The following DMD variants were observed in gnomAD, a reference collection of about 807,000 sequenced individuals.
The protein encoded by DMD is dystrophin, also known as mutant dystrophin.
DMD carries 63 observed loss-of-function variants against 330.1 expected under a neutral mutation model. The ratio of observed to expected loss-of-function variants is 0.19; its 90% CI spans 0.16 to 0.24. DMD has a LOEUF of 0.24. DMD is among the 10% of genes least tolerant of loss of function. The pLI, the probability that DMD is intolerant of heterozygous loss-of-function variation, is 1.00. For synonymous variants in DMD, 1,223 were observed against 959.8 expected, an observed-to-expected ratio of 1.27 and a Z score of -5.07; for missense variants, 3,344 against 2,684.1, an observed-to-expected ratio of 1.25 and a Z score of -5.43.
At chrX:32,217,151 T>C in intron 43 of DMD, 88 bp from the exon 44 acceptor site, 1 of 926,063 alleles carries the variant, frequency 1.1e-6, no homozygotes, top group Non-Finnish European at 1.5e-6. Flanking sequence ...TTGGTTATAC[T>C]GACAAAGATA....
intron 44 of DMD, among the ~76,000 whole-genome samples, chrX:32,164,160 G>A (rs977850752): frequency 3.6e-5 from 4 of 111,281 alleles, no homozygotes; most frequent in East Asian, 2.9e-4. Flanking sequence ...TCGCTTGAGC[G>A]CAGGAGTTAA....
intron 55 of DMD, among the ~76,000 whole-genome samples, chrX:31,626,607 T>C (rs1309615937): frequency 9.0e-6 from 1 of 111,054 alleles, no homozygotes; most frequent in Non-Finnish European, 1.9e-5. Context: ...TCAGGAGCCA[T>C]ACATTGCCAC....
intron 2 of DMD, among the ~76,000 whole-genome samples, chrX:32,859,459 TCTCACACACACACACA>T (rs2081889351): frequency 1.4e-5 from 1 of 69,581 alleles, no homozygotes; most frequent in Admixed American, 1.7e-4. Context: ...CGAAGCAAGA[TCTCACACACACACACA>T]CACACACACA....
At chrX:31,202,439 T>C (rs2043582617) in intron 67 of DMD, among the ~76,000 whole-genome samples, 1 of 112,126 alleles carries the variant, frequency 8.9e-6, no homozygotes, top group South Asian at 3.7e-4. Flanking sequence ...ATTTTACATT[T>C]ACAACTAATT....
intron 44 of DMD, among the ~76,000 whole-genome samples, chrX:32,084,338 A>G (rs1047416446): frequency 9.0e-6 from 1 of 111,018 alleles, no homozygotes; most frequent in Non-Finnish European, 1.9e-5. Context: ...TTCCTTCCTG[A>G]GGCCGTGTGA....
intron 45 of DMD, among the ~76,000 whole-genome samples, chrX:31,950,008 A>G (rs745813052): frequency 9.2e-6 from 1 of 108,544 alleles, no homozygotes; most frequent in African/African-American, 3.3e-5. Flanking sequence ...TTCTGCTCTA[A>G]CCCCCGTTAT....
chrX:33,002,838 TATTTTTTTCTCGA>T (rs2093311233), intron 2 of DMD, among the ~76,000 whole-genome samples: 1 of 73,700 alleles, frequency 1.4e-5, no homozygotes, highest in East Asian at 4.0e-4. Flanking sequence ...AAATGTGTGA[TATTTTTTTCTCGA>T]AAAAAAAAAA....
At chrX:31,198,971 T>C (rs749077491) in intron 67 of DMD, among the ~76,000 whole-genome samples, 1 of 112,170 alleles carries the variant, frequency 8.9e-6, no homozygotes, top group South Asian at 3.8e-4. Flanking sequence ...GGGGATCACA[T>C]TGACACATTA....
At chrX:32,469,555 G>C (rs2040403681) in intron 22 of DMD, among the ~76,000 whole-genome samples, 1 of 110,377 alleles carries the variant, frequency 9.1e-6, no homozygotes, top group Non-Finnish European at 1.9e-5. Context: ...AGTATCCTAT[G>C]CCTATTTGGT....
intron 4 of DMD, among the ~76,000 whole-genome samples, chrX:32,829,740 G>A (rs1482801628): frequency 1.8e-5 from 2 of 111,586 alleles, no homozygotes; most frequent in East Asian, 2.8e-4. Context: ...GTATGTATGA[G>A]CTATATAAAT....
chrX:32,339,378 G>C (rs1239647398), intron 41 of DMD, among the ~76,000 whole-genome samples: 2 of 112,163 alleles, frequency 1.8e-5, no homozygotes, highest in Non-Finnish European at 3.8e-5. Flanking sequence ...TATTAGAAAT[G>C]ATTGGAATTC....
intron 54 of DMD, among the ~76,000 whole-genome samples, chrX:31,645,650 A>G (rs1365352352): frequency 8.9e-6 from 1 of 112,312 alleles, no homozygotes; most frequent in Non-Finnish European, 1.9e-5. Context: ...CTATCTTACA[A>G]ACACTTACTG....
At chrX:31,780,536 C>T (rs745612075) in intron 50 of DMD, among the ~76,000 whole-genome samples, 24 of 111,974 alleles carry the variant, frequency 2.1e-4, no homozygotes, top group Non-Finnish European at 4.5e-4. Context: ...AATAACTCTC[C>T]TCCATGTAAG....
chrX:32,321,499 A>G (rs2097614673), intron 41 of DMD, among the ~76,000 whole-genome samples: 1 of 111,298 alleles, frequency 9.0e-6, no homozygotes, highest in Non-Finnish European at 1.9e-5. Flanking sequence ...GGGGGTCAGT[A>G]CCTGCTAGTT....
At chrX:31,951,161 A>G (rs776998146) in intron 45 of DMD, among the ~76,000 whole-genome samples, 911 of 86,697 alleles carry the variant, frequency 0.011, 24 homozygotes, top group African/African-American at 0.014. Context: ...ATATATATGT[A>G]TATATATATA....
intron 55 of DMD, among the ~76,000 whole-genome samples, chrX:31,570,505 A>G (rs747499353): frequency 8.1e-5 from 9 of 111,255 alleles, no homozygotes; most frequent in Non-Finnish European, 1.1e-4. Context: ...GTATCTATGT[A>G]TATTATTAAG....
intron 44 of DMD, among the ~76,000 whole-genome samples, chrX:32,036,813 G>GATGAGGAATTCACAA (rs1398083596): frequency 2.5e-4 from 28 of 111,822 alleles, no homozygotes; most frequent in Non-Finnish European, 4.1e-4. Context: ...TGGAAGGGCA[G>GATGAGGAATTCACAA]ATGAGGAATT....
At chrX:31,662,957 A>G (rs1285853186) in intron 53 of DMD, among the ~76,000 whole-genome samples, 2 of 111,399 alleles carry the variant, frequency 1.8e-5, no homozygotes, top group Admixed American at 1.9e-4. Context: ...TCTGTTAGCT[A>G]ACCACCAAGA....
intron 37 of DMD, among the ~76,000 whole-genome samples, chrX:32,352,083 T>C (rs1461273662): frequency 9.0e-6 from 1 of 111,003 alleles, no homozygotes; most frequent in Non-Finnish European, 1.9e-5. Context: ...CAAAAATTAT[T>C]TGGAGCCTAA....
Sources: allele counts gnomAD v4.1 joint callset (sites outside exome capture counted in the v4.1 genomes callset), GRCh38; gene constraint gnomAD v4.1.1; transcripts MANE v1.5; gene names NCBI Gene and HGNC (gene_info 2026-07-23, HGNC 2026-07-21).